UVRAG: variants seen among roughly 807,000 people sequenced by gnomAD.
UVRAG encodes UV radiation resistance associated, also known as UV radiation resistance-associated gene protein.
A neutral mutation model predicts 78.0 loss-of-function variants in UVRAG; 19 were observed. The observed-to-expected ratio is 0.24, with a 90% CI of 0.17 to 0.36. UVRAG has a LOEUF of 0.36. Among genes scored for constraint, UVRAG ranks in the 10% least tolerant of loss-of-function variants. The pLI, the probability that UVRAG is intolerant of heterozygous loss-of-function variation, is 1.00. For missense variants in UVRAG, 740 were observed against 853.8 expected (o/e 0.87, Z 1.66); for synonymous variants, 323 against 324.6 (o/e 1.00, Z 0.05).
intron 3 of UVRAG, among the ~76,000 whole-genome samples, chr11:75,865,030 G>A (rs1247489037): frequency 6.6e-6 from 1 of 152,210 alleles, no homozygotes; most frequent in African/African-American, 2.4e-5. Flanking sequence ...GCCTACGCCT[G>A]TAATCCCAGC....
At chr11:76,086,099 C>G (rs1016550535) in intron 13 of UVRAG, among the ~76,000 whole-genome samples, 2 of 152,178 alleles carry the variant, frequency 1.3e-5, no homozygotes, top group Non-Finnish European at 2.9e-5. Context: ...ATAAGTAACA[C>G]GGGTAATTCA....
At chr11:75,834,498 T>C (rs766731944) in intron 1 of UVRAG, among the ~76,000 whole-genome samples, 15 of 152,154 alleles carry the variant, frequency 9.9e-5, no homozygotes, top group Admixed American at 7.2e-4. Context: ...TTGCAACTAA[T>C]AGTCTATAGG....
At chr11:75,999,229 C>A (rs1403207508) in intron 8 of UVRAG, among the ~76,000 whole-genome samples, 6 of 50,192 alleles carry the variant, frequency 1.2e-4, no homozygotes, top group Non-Finnish European at 1.6e-4. Flanking sequence ...CAAGACTCTG[C>A]CTCAGAGAAA....
chr11:75,882,390 G>A (rs956163332), intron 4 of UVRAG, among the ~76,000 whole-genome samples: 7 of 151,962 alleles, frequency 4.6e-5, no homozygotes, highest in Non-Finnish European at 7.4e-5. Flanking sequence ...GCATGTGCCT[G>A]TAATCCCAGC....
intron 8 of UVRAG, among the ~76,000 whole-genome samples, chr11:76,000,018 A>G (rs1273126042): frequency 6.6e-6 from 1 of 152,218 alleles, no homozygotes; most frequent in African/African-American, 2.4e-5. Context: ...TGGGCAACCA[A>G]TAAACATTTT....
At chr11:76,013,398 T>C (rs1346396699) in intron 11 of UVRAG, among the ~76,000 whole-genome samples, 1 of 152,222 alleles carries the variant, frequency 6.6e-6, no homozygotes, top group African/African-American at 2.4e-5. Context: ...TTAAGGTTCA[T>C]TCGTGTTTCT....
intron 7 of UVRAG, among the ~76,000 whole-genome samples, chr11:75,972,954 C>A (rs951297406): frequency 2.0e-5 from 3 of 151,992 alleles, no homozygotes; most frequent in African/African-American, 7.2e-5. Context: ...TTTGGATTTT[C>A]TATATGGAAA....
chr11:76,052,689 T>A (rs1950892657), intron 12 of UVRAG, among the ~76,000 whole-genome samples: 1 of 152,204 alleles, frequency 6.6e-6, no homozygotes, highest in Non-Finnish European at 1.5e-5. Context: ...TCTGAGCTTT[T>A]CTGGTGAGAT....
chr11:75,880,099 T>C, intron 4 of UVRAG, 59 bp downstream of exon 4: 1 of 1,571,228 alleles, frequency 6.4e-7, no homozygotes, highest in South Asian at 1.2e-5. Flanking sequence ...TGTCTAACCT[T>C]TCTGTTGATT....
rs982857769 is a variant in UVRAG, at chr11:76,144,039, ATTAGT to A, written c.*2629_*2633del. Among the ~76,000 whole-genome samples, 1 of 152,148 alleles carries A rather than the reference ATTAGT, an allele frequency of 6.6e-6. No individual in the cohort carries two copies. Among genetic ancestry groups the A allele is most frequent in the African/African-American group, 2.4e-5 (1 of 41,434 alleles). ...CCAGAGATTTTTTTCCCCTCAGAAT[ATTAGT>A]TTTGGAAGATTGTGCCCAGCTATAT... On this transcript the variant is annotated 3_prime_UTR_variant, in exon 15 of 15. Coordinates refer to ENST00000356136, the MANE Select transcript of UVRAG (RefSeq NM_003369.4).
chr11:76,082,483 T>G (rs1951513760), intron 13 of UVRAG, among the ~76,000 whole-genome samples: 1 of 132,408 alleles, frequency 7.6e-6, no homozygotes, highest in South Asian at 2.3e-4. Flanking sequence ...GAGCTTGCAG[T>G]GAGCGGAGAT....
chr11:75,876,423 A>G (rs140723709), intron 3 of UVRAG, among the ~76,000 whole-genome samples: 25 of 152,198 alleles, frequency 1.6e-4, no homozygotes, highest in Admixed American at 9.2e-4. Flanking sequence ...GTGGATCAGC[A>G]TAGTTACTCC....
chr11:75,817,903 A>G (rs1945293752), intron 1 of UVRAG, among the ~76,000 whole-genome samples: 1 of 151,506 alleles, frequency 6.6e-6, no homozygotes. Context: ...AAAAAGAAAA[A>G]AAAAAAAAAA....
chr11:75,874,816 T>G (rs558255953), intron 3 of UVRAG, among the ~76,000 whole-genome samples: 46 of 152,226 alleles, frequency 3.0e-4, no homozygotes, highest in Non-Finnish European at 6.2e-4. Context: ...CACAGGGAAT[T>G]ATGCAGTTCA....
rs112797030 is a variant in UVRAG at position 76,141,667 on chromosome 11, C to T, written c.*254C>T. The T allele has an allele frequency of 2.0e-5, 10 of 502,674 alleles. No individual in the cohort carries two copies. The highest frequency in any genetic ancestry group is 1.2e-4 in the African/African-American group (6 of 52,152). The allele number at this position is 502,674 out of a possible 1,614,324, so 31.1% of individuals were successfully genotyped here. Reference sequence around the variant, plus strand: ...AAAAATCACCCTCTAGTTGAAAGAGCTTACAGCTCGAGTCACCTTTTAGCT... The same window carrying T: ...AAAAATCACCCTCTAGTTGAAAGAGTTTACAGCTCGAGTCACCTTTTAGCT... On this transcript the variant is annotated 3_prime_UTR_variant, in exon 15 of 15. Coordinates refer to ENST00000356136, the MANE Select transcript of UVRAG (RefSeq NM_003369.4).
chr11:76,099,238 A>G (rs765428245), intron 13 of UVRAG, among the ~76,000 whole-genome samples: 5 of 152,186 alleles, frequency 3.3e-5, no homozygotes, highest in Non-Finnish European at 4.4e-5. Flanking sequence ...ATTTAACAGT[A>G]AGTAAAATAA....
intron 12 of UVRAG, among the ~76,000 whole-genome samples, chr11:76,054,775 C>T (rs1337492949): frequency 6.6e-6 from 1 of 152,180 alleles, no homozygotes; most frequent in East Asian, 1.9e-4. Flanking sequence ...GAAGTGTAAG[C>T]TTCATGAAGA....
intron 12 of UVRAG, among the ~76,000 whole-genome samples, chr11:76,055,541 T>C (rs1012222124): frequency 2.0e-5 from 3 of 152,190 alleles, no homozygotes; most frequent in African/African-American, 4.8e-5. Flanking sequence ...TCCATTTATC[T>C]ATCTGTTTAT....
At chr11:75,934,213 T>C (rs1948311775) in intron 6 of UVRAG, among the ~76,000 whole-genome samples, 1 of 152,196 alleles carries the variant, frequency 6.6e-6, no homozygotes, top group South Asian at 2.1e-4. Context: ...CTGGAGGTCA[T>C]AATGTTATGT....
Sources: allele counts gnomAD v4.1 joint callset (sites outside exome capture counted in the v4.1 genomes callset), GRCh38; gene constraint gnomAD v4.1.1; transcripts MANE v1.5; gene names NCBI Gene and HGNC (gene_info 2026-07-23, HGNC 2026-07-21).